PXYLP1: variants seen among roughly 807,000 people sequenced by gnomAD.
The protein encoded by PXYLP1 is 2-phosphoxylose phosphatase 1.
In PXYLP1, 17 loss-of-function variants were observed where a neutral mutation model predicts 37.9. That is an observed-to-expected ratio of 0.45 (90% confidence interval 0.31 to 0.67). PXYLP1 has a LOEUF of 0.67. Ranked by LOEUF, PXYLP1 falls within the 30% of genes least tolerant of loss-of-function variation. The pLI is 0.07. For missense variants in PXYLP1, 511 were observed against 612.0 expected, an observed-to-expected ratio of 0.84 and a Z score of 1.74; for synonymous variants, 221 against 232.2, an observed-to-expected ratio of 0.95 and a Z score of 0.44.
intron 2 of PXYLP1, chr3:141,273,998 T>C: frequency 1.0e-6 from 1 of 985,934 alleles, no homozygotes; most frequent in Non-Finnish European, 1.2e-6. Flanking sequence ...TTCTTTCTGA[T>C]GCCCCCACAG....
chr3:141,251,282 C>T (rs946532113), intron 1 of PXYLP1, among the ~76,000 whole-genome samples: 4 of 152,210 alleles, frequency 2.6e-5, no homozygotes, highest in African/African-American at 9.7e-5. Context: ...CTGTCATCCA[C>T]TAGGATGTTG....
Position 141,262,740 on chromosome 3 carries a change from G to T in PXYLP1, c.79+2486G>T, listed in dbSNP as rs543121720. ...TTCTTTTAGGTAAACTGTAACTTTG[G>T]AATTTCCCCATTTCTGTAGAAGTGA... On this transcript the variant is annotated intron_variant, in intron 2 of 5. Coordinates refer to ENST00000286353, the MANE Select transcript of PXYLP1 (RefSeq NM_001037172.3). 1.0e-5 allele frequency: 15 copies of T among 1,501,930 alleles called. No individual in the cohort carries two copies. The African/African-American group carries it at 2.1e-4, about 21-fold the overall frequency. 93.0% of individuals were successfully genotyped at this position (1,501,930 alleles called of 1,614,324 possible). A position where few individuals can be genotyped will look rare whatever the true frequency, so the allele number is the denominator to read the frequency against.
chr3:141,233,514 A>C (rs1940585749), intron 1 of PXYLP1, among the ~76,000 whole-genome samples: 1 of 149,930 alleles, frequency 6.7e-6, no homozygotes. Flanking sequence ...AGAGGTGAAG[A>C]TGCACGGGAC....
At chr3:141,277,637 G>A (rs1215616856) in intron 2 of PXYLP1, among the ~76,000 whole-genome samples, 1 of 152,212 alleles carries the variant, frequency 6.6e-6, no homozygotes, top group Non-Finnish European at 1.5e-5. Context: ...CCCTGCCAGG[G>A]GGTGGGGACA....
At chr3:141,290,999 GCTAAATCCTGTT>G (rs1942188989) in intron 5 of PXYLP1, among the ~76,000 whole-genome samples, 1 of 152,178 alleles carries the variant, frequency 6.6e-6, no homozygotes, top group African/African-American at 2.4e-5. Flanking sequence ...TCTTGGAAGT[GCTAAATCCTGTT>G]CCAGCCTTTA....
At chr3:141,283,482 G>A (rs542425753) in intron 4 of PXYLP1, among the ~76,000 whole-genome samples, 142 of 152,240 alleles carry the variant, frequency 9.3e-4, no homozygotes, top group African/African-American at 2.8e-3. Flanking sequence ...TTTCAAAAGG[G>A]GCCAGGGATG....
intron 1 of PXYLP1, among the ~76,000 whole-genome samples, chr3:141,245,521 T>C (rs1344679683): frequency 6.6e-6 from 1 of 152,246 alleles, no homozygotes; most frequent in Non-Finnish European, 1.5e-5. Context: ...CATTGCATTC[T>C]CTCCAAAAGC....
chr3:141,252,655 A>T (rs1393952612), intron 1 of PXYLP1, among the ~76,000 whole-genome samples: 1 of 152,200 alleles, frequency 6.6e-6, no homozygotes, highest in Non-Finnish European at 1.5e-5. Flanking sequence ...TTACATGTCA[A>T]CATGAGATTT....
At chr3:141,251,870 G>C (rs1941147816) in intron 1 of PXYLP1, among the ~76,000 whole-genome samples, 1 of 152,140 alleles carries the variant, frequency 6.6e-6, no homozygotes, top group Non-Finnish European at 1.5e-5. Flanking sequence ...GGAGAAGTAG[G>C]GTAAGTAGCT....
intron 1 of PXYLP1, among the ~76,000 whole-genome samples, chr3:141,257,787 C>G (rs900753963): frequency 6.6e-6 from 1 of 151,622 alleles, no homozygotes; most frequent in Non-Finnish European, 1.5e-5. Context: ...ACCTGTAATC[C>G]CACCTACTCA....
intron 2 of PXYLP1, chr3:141,274,278 C>T: frequency 7.5e-7 from 1 of 1,328,410 alleles, no homozygotes; most frequent in Non-Finnish European, 9.7e-7. Context: ...GTCTGCTCCT[C>T]CAGGCCCCTT....
intron 4 of PXYLP1, among the ~76,000 whole-genome samples, chr3:141,286,067 G>T (rs1305761419): frequency 3.3e-5 from 5 of 152,154 alleles, no homozygotes; most frequent in African/African-American, 9.7e-5. Context: ...TTTGCCATTA[G>T]AACAGTTTAT....
At chr3:141,247,290 C>T (rs979335368) in intron 1 of PXYLP1, among the ~76,000 whole-genome samples, 1 of 152,238 alleles carries the variant, frequency 6.6e-6, no homozygotes, top group Non-Finnish European at 1.5e-5. Context: ...GGTTGACATC[C>T]ATGGAGCATT....
At chr3:141,283,152 T>A (rs1182660985) in intron 4 of PXYLP1, among the ~76,000 whole-genome samples, 5 of 151,282 alleles carry the variant, frequency 3.3e-5, no homozygotes, top group African/African-American at 7.3e-5. Context: ...TTTTTTTTTT[T>A]TTTTATTTTT....
chr3:141,274,351 C>G (rs1039890227), intron 2 of PXYLP1: 3 of 1,420,494 alleles, frequency 2.1e-6, no homozygotes, highest in Non-Finnish European at 2.8e-6. Context: ...CTGACCAGGC[C>G]TTACGGGACC....
intron 5 of PXYLP1, among the ~76,000 whole-genome samples, chr3:141,287,664 G>C (rs555691591): frequency 6.6e-6 from 1 of 152,110 alleles, no homozygotes. Flanking sequence ...AAAACAATAC[G>C]TGTTCATGAA....
chr3:141,260,336 A>C lies in PXYLP1; in HGVS notation c.79+82A>C. The C allele has an allele frequency of 2.0e-6, 3 of 1,488,972 alleles. No individual in the cohort carries two copies. The South Asian group carries it at 3.6e-5, about 18-fold the overall frequency. The allele number at this position is 1,488,972 out of a possible 1,614,324, so 92.2% of individuals were successfully genotyped here. A position where few individuals can be genotyped will look rare whatever the true frequency, so the allele number is the denominator to read the frequency against. ...GGAGGCCCCAAAGGCTTGTTTTATAAATGAATGATGAGGCTGAAGACAACG... is the reference window on the plus strand; with the variant it reads ...GGAGGCCCCAAAGGCTTGTTTTATACATGAATGATGAGGCTGAAGACAACG... On this transcript the variant is annotated intron_variant, in intron 2 of 5. Coordinates refer to ENST00000286353, the MANE Select transcript of PXYLP1 (RefSeq NM_001037172.3).
At chr3:141,267,812 T>C (rs1328602250) in intron 2 of PXYLP1, among the ~76,000 whole-genome samples, 1 of 152,006 alleles carries the variant, frequency 6.6e-6, no homozygotes, top group Admixed American at 6.6e-5. Flanking sequence ...AGGGTGGAGC[T>C]AGATAATGAC....
At chr3:141,243,361 A>C (rs1173567082) in intron 1 of PXYLP1, among the ~76,000 whole-genome samples, 1 of 152,198 alleles carries the variant, frequency 6.6e-6, no homozygotes, top group Non-Finnish European at 1.5e-5. Flanking sequence ...ACCTTCATCC[A>C]GTCAGGCGTA....
Sources: gnomAD v4.1 joint callset for allele counts (sites outside exome capture counted in the v4.1 genomes callset) on GRCh38, gnomAD v4.1.1 for gene constraint, MANE v1.5 for transcripts, NCBI Gene and HGNC (gene_info 2026-07-23, HGNC 2026-07-21) for gene names.